Variants in ZBTB3 observed in about 807,000 individuals in gnomAD.
The protein encoded by ZBTB3 is zinc finger and BTB domain containing 3, also known as zinc finger and BTB domain-containing protein 3.
ZBTB3 carries 15 observed loss-of-function variants against 30.6 expected under a neutral mutation model. That is an observed-to-expected ratio of 0.49 (90% CI 0.33 to 0.75). The LOEUF is 0.75. ZBTB3 is among the 30% of genes least tolerant of loss of function. The pLI is 0.02. For synonymous variants in ZBTB3, 258 were observed against 261.7 expected, an observed-to-expected ratio of 0.99 and a Z score of 0.14; for missense variants, 599 against 652.1, an observed-to-expected ratio of 0.92 and a Z score of 0.89.
In ZBTB3 at chr11:62,752,911, C is replaced by A; in HGVS notation, c.754G>T (p.Gly252Cys). 6.2e-7 allele frequency: 1 copy of A among 1,614,108 alleles called. No homozygotes were observed. The highest frequency in any genetic ancestry group is 8.5e-7 in the Non-Finnish European group (1 of 1,180,020). Reference protein sequence around the residue: ...SLEPLPSLDVGPESLRVVEPK... With the variant: ...SLEPLPSLDVCPESLRVVEPK... Reference sequence around the variant, plus strand: ...TCCACCACCCTCAGACTCTCAGGACCCACATCAAGAGATGGCAGTGGCTCC... The same window carrying A: ...TCCACCACCCTCAGACTCTCAGGACACACATCAAGAGATGGCAGTGGCTCC... The change falls in exon 2 of 2, where the codon GGT becomes TGT. Residue 252 changes from glycine to cysteine, a missense_variant. By Grantham distance (159) the Gly-to-Cys change is radical (BLOSUM62 -3). Transcript: ENST00000394807.
chr11:62,753,255 T>A lies in ZBTB3; in HGVS notation c.410A>T (p.Asn137Ile). The change falls in exon 2 of 2, where the codon AAC (asparagine) becomes ATC (isoleucine). Residue 137 changes from asparagine to isoleucine, a missense_variant. Coordinates refer to ENST00000394807, the MANE Select transcript of ZBTB3 (RefSeq NM_001370809.1). ...ADSTKKEEET[N>I]SQLPSLEFLS... is the part of the protein sequence containing the mutation. The stretch of plus-strand genomic sequence containing the variant: ...AAACTCCAAACTAGGAAGCTGTGAG[T>A]TGGTTTCCTCCTCCTTCTTGGTACT... 1 of 1,613,988 alleles carries A rather than the reference T, an allele frequency of 6.2e-7. No individual in the cohort carries two copies. Among genetic ancestry groups the A allele is most frequent in the African/African-American group, 1.3e-5 (1 of 74,962 alleles).
At chr11:62,753,867 C>T in intron 1 of ZBTB3, 97 bp downstream of exon 1, 2 of 1,566,086 alleles carry the variant, frequency 1.3e-6, no homozygotes, top group East Asian at 2.3e-5. Context: ...GCTCCGCCCA[C>T]CTCGGCCTAA....
intron 1 of ZBTB3, 45 bp downstream of exon 1, chr11:62,753,919 C>A: frequency 6.2e-7 from 1 of 1,608,348 alleles, no homozygotes; most frequent in Non-Finnish European, 8.5e-7. Flanking sequence ...GCCCTGCCCC[C>A]GGAAGTCCCG....
At position 62,754,030 on chromosome 11, in the gene ZBTB3, C is replaced by T. The variant is rs372020438; in HGVS notation, c.-118G>A. ...GCTCCCAGGCCTTGCCAGGCGATGC[C>T]TCTACGCCCCACTTCGAGAACTCCC... On this transcript the variant is annotated 5_prime_UTR_variant, in exon 1 of 2. Coordinates refer to ENST00000394807, the MANE Select transcript of ZBTB3 (RefSeq NM_001370809.1). 22 of 1,614,164 alleles carry T rather than the reference C, an allele frequency of 1.4e-5. No homozygotes were observed. The highest frequency in any genetic ancestry group is 1.8e-5 in the Non-Finnish European group (21 of 1,180,046).
chr11:62,753,930 C>T, intron 1 of ZBTB3, 34 bp downstream of exon 1: 1 of 1,611,768 alleles, frequency 6.2e-7, no homozygotes, highest in Non-Finnish European at 8.5e-7. Context: ...GGAAGTCCCG[C>T]CCCTTAGCCA....
chr11:62,752,433 G>A lies in ZBTB3; in HGVS notation c.1232C>T (p.Pro411Leu), dbSNP rs139593525. Residue 411 changes from proline to leucine, a missense_variant, in exon 2 of 2, where the codon CCA (proline) becomes CTA (leucine). Pro to Leu is a moderately conservative substitution (Grantham distance 98, BLOSUM62 -3). Transcript: ENST00000394807. Reference sequence around the variant, plus strand: ...CTCAGTAAAAACCCCAAAGCTTCCTGGAGCTGCTTCGTACTCAGAAGACAG... The same window carrying A: ...CTCAGTAAAAACCCCAAAGCTTCCTAGAGCTGCTTCGTACTCAGAAGACAG... ...LYLSSEYEAA[P>L]GSFGVFTEDV... 1.2e-6 allele frequency: 2 copies of A among 1,614,060 alleles called. No individual in the cohort carries two copies. The highest frequency in any genetic ancestry group is 8.5e-7 in the Non-Finnish European group (1 of 1,180,044).
Position 62,751,759 on chromosome 11 carries a change from CCT to C in ZBTB3, c.*329_*330del. The C allele has an allele frequency of 5.6e-6, 1 of 179,776 alleles. No individual in the cohort carries two copies. Among genetic ancestry groups the C allele is most frequent in the Admixed American group, 5.5e-5 (1 of 18,090 alleles). 11.1% of individuals were successfully genotyped at this position (179,776 alleles called of 1,614,324 possible). On this transcript the variant is annotated 3_prime_UTR_variant, in exon 2 of 2. Transcript: ENST00000394807. ...ACCATCCTGGCTAACACGGTGAAACCCTGTCTCTACTAAAAATCAAAAAAAAT... is the reference window on the plus strand; with the variant it reads ...ACCATCCTGGCTAACACGGTGAAACCGTCTCTACTAAAAATCAAAAAAAAT...
rs1037496743 is a variant in ZBTB3 at position 62,751,899 on chromosome 11, C to T, written c.*191G>A. On this transcript the variant is annotated 3_prime_UTR_variant, in exon 2 of 2. Coordinates refer to ENST00000394807, the MANE Select transcript of ZBTB3 (RefSeq NM_001370809.1). The stretch of plus-strand genomic sequence containing the variant: ...GCAGTGAGCCGAGATCGCGCCACTG[C>T]ACTCCAGTCTGGGTGACAGAGTGAG... 1.4e-5 allele frequency: 7 copies of T among 512,218 alleles called. No homozygotes were observed. The highest frequency in any genetic ancestry group is 2.3e-5 in the Non-Finnish European group (7 of 303,240). 31.7% of individuals were successfully genotyped at this position (512,218 alleles called of 1,614,324 possible).
intron 1 of ZBTB3, 48 bp from the exon 2 acceptor site, chr11:62,753,763 C>T: frequency 6.4e-7 from 1 of 1,552,096 alleles, no homozygotes. Context: ...CCCCAGCAAC[C>T]TTATCAGCCC....
In ZBTB3 at chr11:62,752,254, T is replaced by C; in HGVS notation, c.1411A>G (p.Lys471Glu). 1 of 1,614,156 alleles carries C rather than the reference T, an allele frequency of 6.2e-7. No individual in the cohort carries two copies. Among genetic ancestry groups the C allele is most frequent in the Non-Finnish European group, 8.5e-7 (1 of 1,180,018 alleles). The change falls in exon 2 of 2, where the codon AAG (lysine) becomes GAG (glutamate). Residue 471 changes from lysine to glutamate, a missense_variant. Transcript: ENST00000394807. ...TTGGCCAGGTCCTCATTGTGAGCCT[T>C]GCGGATGTGGCGGTAGAGGTCCCCT... Reference protein sequence around the residue: ...QSGDLYRHIRKAHNEDLAKRS... With the variant: ...QSGDLYRHIREAHNEDLAKRS...
rs2084023065 is a variant in ZBTB3, at chr11:62,752,504, C to T, written c.1161G>A (p.Val387=). 1 of 1,614,042 alleles carries T rather than the reference C, an allele frequency of 6.2e-7. No individual in the cohort carries two copies. Among genetic ancestry groups the T allele is most frequent in the South Asian group, 1.1e-5 (1 of 91,084 alleles). ...ATGCGGGTGCAGGCAGAGGTGAGGT[C>T]ACCAGTCCTCGATGATACTGCCCTG... ...PGAGQYHRGL[V]TSPLPAPASL... is the part of the protein sequence containing the mutation. The change falls in exon 2 of 2, where the codon GTG becomes GTA. Residue 387 remains valine (V), a synonymous_variant. Transcript: ENST00000394807.
chr11:62,751,813 T>C lies in ZBTB3; in HGVS notation c.*277A>G. ...AGCCAGGCATGGTGATAGGCGCCTG[T>C]AGTCCCAGCTACTCGGGAGGCTGAG... On this transcript the variant is annotated 3_prime_UTR_variant, in exon 2 of 2. Transcript: ENST00000394807. 4.1e-6 allele frequency: 1 copy of C among 244,396 alleles called. No homozygotes were observed. Among genetic ancestry groups the C allele is most frequent in the Non-Finnish European group, 7.8e-6 (1 of 127,646 alleles). 15.1% of individuals were successfully genotyped at this position (244,396 alleles called of 1,614,324 possible).
chr11:62,752,113 A>G lies in ZBTB3; in HGVS notation c.1552T>C (p.Leu518=). ...CCTTAGATGTTAGTTTTTGGGGCCA[A>G]TACAAAATCTTTAGGTGGCCCTCCA... ...SGGGPPKDFV[L]APKTNI The change falls in exon 2 of 2, where the codon TTG becomes CTG. Residue 518 remains leucine, a synonymous_variant. Transcript: ENST00000394807. 6.2e-7 allele frequency: 1 copy of G among 1,611,882 alleles called. No homozygotes were observed. The highest frequency in any genetic ancestry group is 1.1e-5 in the South Asian group (1 of 90,942).
At position 62,753,947 on chromosome 11, in the gene ZBTB3, G is replaced by A; in HGVS notation, c.-52+17C>T. ...AAGTCCCGCCCCTTAGCCACCCTCC[G>A]CTTCCTTGATGCCCACCCGGTAGCG... On this transcript the variant is annotated intron_variant, in intron 1 of 1. Coordinates refer to ENST00000394807, the MANE Select transcript of ZBTB3 (RefSeq NM_001370809.1). 4 of 1,547,930 alleles carry A rather than the reference G, an allele frequency of 2.6e-6. No individual in the cohort carries two copies. Among genetic ancestry groups the A allele is most frequent in the Non-Finnish European group, 3.5e-6 (4 of 1,145,704 alleles).
At position 62,753,066 on chromosome 11, in the gene ZBTB3, A is replaced by G. The variant is rs201503930; in HGVS notation, c.599T>C (p.Met200Thr). Residue 200 changes from methionine to threonine, a missense_variant, in exon 2 of 2, where the codon ATG (methionine) becomes ACG (threonine). Physicochemically the swap from Met to Thr is moderately conservative, Grantham distance 81. Coordinates refer to ENST00000394807, the MANE Select transcript of ZBTB3 (RefSeq NM_001370809.1). The stretch of plus-strand genomic sequence containing the variant: ...CCGCAGATGTGGTGCGTCAACCTCC[A>G]TGCCAGGCTGTGTAGTGTCAGCCCC... ...SSGADTTQPG[M>T]EVDAPHLRAP... The G allele has an allele frequency of 7.0e-5, 113 of 1,614,110 alleles. No individual in the cohort carries two copies. Among genetic ancestry groups the G allele is most frequent in the Non-Finnish European group, 4.8e-5 (57 of 1,180,046 alleles).
chr11:62,753,481 C>T lies in ZBTB3; in HGVS notation c.184G>A (p.Asp62Asn), dbSNP rs1249007356. The T allele has an allele frequency of 1.9e-6, 3 of 1,614,098 alleles. No individual in the cohort carries two copies. Among genetic ancestry groups the T allele is most frequent in the South Asian group, 1.1e-5 (1 of 91,088 alleles). The change falls in exon 2 of 2, where the codon GAT becomes AAT. Residue 62 changes from aspartate (D) to asparagine (N), a missense_variant. By Grantham distance (23) the Asp-to-Asn change is conservative (BLOSUM62 1). Transcript: ENST00000394807. ...FYKERELDKRDLVCIHNEIVT... is the reference protein window; with the variant it reads ...FYKERELDKRNLVCIHNEIVT... ...ATTTCATTGTGAATACACACCAGAT[C>T]CCTCTTGTCCAATTCCCGCTCCTTG...
intron 1 of ZBTB3, 82 bp downstream of exon 1, chr11:62,753,882 A>C (rs1248269986): frequency 1.8e-5 from 29 of 1,586,092 alleles, no homozygotes; most frequent in Non-Finnish European, 2.4e-5. Flanking sequence ...GCCTAACCTT[A>C]GAACAGGCCC....
chr11:62,753,725 A>C lies in ZBTB3; in HGVS notation c.-51-10T>G. On this transcript the variant is annotated splice_polypyrimidine_tract_variant and intron_variant, in intron 1 of 1. Coordinates refer to ENST00000394807, the MANE Select transcript of ZBTB3 (RefSeq NM_001370809.1). ...CCCCACCAGTGGCTCCCTGAGAAAA[A>C]AGGGCAGTGAGTTAAGACAGGTAAC... is the stretch of plus-strand genomic sequence containing the variant. 1.3e-6 allele frequency: 2 copies of C among 1,587,022 alleles called. No homozygotes were observed. The highest frequency in any genetic ancestry group is 1.7e-6 in the Non-Finnish European group (2 of 1,169,244).
Position 62,754,093 on chromosome 11 carries a change from A to C in ZBTB3, c.-181T>G, listed in dbSNP as rs2084043306. The C allele has an allele frequency of 6.2e-7, 1 of 1,608,628 alleles. No homozygotes were observed. The highest frequency in any genetic ancestry group is 8.5e-7 in the Non-Finnish European group (1 of 1,175,108). On this transcript the variant is annotated 5_prime_UTR_variant, in exon 1 of 2. Transcript: ENST00000394807. ...TCACGCATTCCAGGGGCTAAGGACT[A>C]CCAGGGTGGGAACTAGCGGAGAAAG...
Sources: gnomAD v4.1 joint callset for allele counts on GRCh38, gnomAD v4.1.1 for gene constraint, MANE v1.5 for transcripts, NCBI Gene and HGNC (gene_info 2026-07-23, HGNC 2026-07-21) for gene names.